The following LHFPL4 variants were observed in gnomAD, a reference collection of about 807,000 sequenced individuals.
LHFPL4 encodes the protein LHFPL tetraspan subfamily member 4 protein.
A neutral mutation model predicts 20.0 loss-of-function variants in LHFPL4; 6 were observed. That is an observed-to-expected ratio of 0.30 (90% CI 0.16 to 0.59). The LOEUF is 0.59. Ranked by LOEUF, LHFPL4 falls within the 20% of genes least tolerant of loss-of-function variation. The pLI is 0.88. For synonymous variants in LHFPL4, 129 were observed against 143.8 expected (o/e 0.90, Z 0.74); for missense variants, 215 against 331.2 (o/e 0.65, Z 2.72).
rs1008559419 is a variant in LHFPL4 at position 9,502,094 on chromosome 3, C to G, written c.*117G>C. On this transcript the variant is annotated 3_prime_UTR_variant, in exon 4 of 4. Coordinates refer to ENST00000287585, the MANE Select transcript of LHFPL4 (RefSeq NM_198560.3). Reference sequence around the variant, plus strand: ...CAAAGCCTGGAGCTTGCAGGGTAGTCGGTGAGAAGTAAGTCTGAGATCAGG... The same window carrying G: ...CAAAGCCTGGAGCTTGCAGGGTAGTGGGTGAGAAGTAAGTCTGAGATCAGG... 2.7e-6 allele frequency: 2 copies of G among 749,782 alleles called. No individual in the cohort carries two copies. Among genetic ancestry groups the G allele is most frequent in the East Asian group, 2.7e-5 (1 of 37,512 alleles). The allele number at this position is 749,782 out of a possible 1,614,324, so 46.4% of individuals were successfully genotyped here.
rs1339386250 is a variant in LHFPL4, at chr3:9,500,596, C to T, written c.*1615G>A. 1 of 152,296 alleles carries T rather than the reference C, an allele frequency of 6.6e-6. No homozygotes were observed. Among genetic ancestry groups the T allele is most frequent in the East Asian group, 1.9e-4 (1 of 5,178 alleles). 9.4% of individuals were successfully genotyped at this position (152,296 alleles called of 1,614,324 possible). ...GGTCCAAGTCCTGTGGAAATGAACACAAGGTTGGCAAACACATGGCGCTCA... is the reference window on the plus strand; with the variant it reads ...GGTCCAAGTCCTGTGGAAATGAACATAAGGTTGGCAAACACATGGCGCTCA... On this transcript the variant is annotated 3_prime_UTR_variant, in exon 4 of 4. Coordinates refer to ENST00000287585, the MANE Select transcript of LHFPL4 (RefSeq NM_198560.3).
chr3:9,539,591 A>G, intron 2 of LHFPL4, among the ~76,000 whole-genome samples: 1 of 149,200 alleles, frequency 6.7e-6, no homozygotes, highest in Admixed American at 6.8e-5. Context: ...GTATAACACT[A>G]AACCCAGCAA....
chr3:9,515,998 A>C (rs746379279), intron 2 of LHFPL4, among the ~76,000 whole-genome samples: 3 of 152,164 alleles, frequency 2.0e-5, no homozygotes, highest in Non-Finnish European at 4.4e-5. Flanking sequence ...TATAGGCGTG[A>C]ACCATGGCAC....
At chr3:9,529,346 A>C (rs570409024) in intron 2 of LHFPL4, among the ~76,000 whole-genome samples, 2 of 152,270 alleles carry the variant, frequency 1.3e-5, no homozygotes, top group South Asian at 4.1e-4. Context: ...CAATGTTCTT[A>C]ATGGCATATC....
At chr3:9,534,526 T>C (rs2046433490) in intron 2 of LHFPL4, among the ~76,000 whole-genome samples, 2 of 152,326 alleles carry the variant, frequency 1.3e-5, no homozygotes, top group South Asian at 4.1e-4. Context: ...TAAAATATTT[T>C]CAGACATATT....
intron 2 of LHFPL4, among the ~76,000 whole-genome samples, chr3:9,517,109 AGTAAGTCTTG>A (rs879462243): frequency 2.0e-5 from 3 of 152,200 alleles, no homozygotes; most frequent in Non-Finnish European, 2.9e-5. Flanking sequence ...ATAGCTTTAT[AGTAAGTCTTG>A]GTAAGTCTTG....
chr3:9,523,483 T>C (rs2046353640), intron 2 of LHFPL4, among the ~76,000 whole-genome samples: 1 of 100,786 alleles, frequency 9.9e-6, no homozygotes, highest in African/African-American at 3.2e-5. Flanking sequence ...TATTTATTTA[T>C]TTATTTTGAG....
chr3:9,533,415 G>T lies in LHFPL4; in HGVS notation c.406+18859C>A, dbSNP rs146881604. ...AACTGTGGTTACCTGCAACAACCTG[G>T]ATGAATCTTCATGTGAAGCAAAAGT... On this transcript the variant is annotated intron_variant, in intron 2 of 3. Coordinates refer to ENST00000287585, the MANE Select transcript of LHFPL4 (RefSeq NM_198560.3). 1.4e-3 allele frequency among the ~76,000 whole-genome samples: 219 copies of T among 152,320 alleles called. 1 individual carries two copies. Among genetic ancestry groups the T allele is most frequent in the African/African-American group, 5.1e-3 (211 of 41,564 alleles).
intron 2 of LHFPL4, among the ~76,000 whole-genome samples, chr3:9,533,082 A>G (rs1032267221): frequency 6.6e-6 from 1 of 152,152 alleles, no homozygotes; most frequent in Admixed American, 6.5e-5. Context: ...AATGTCTACA[A>G]GTTCAAAGGG....
At chr3:9,517,436 A>T (rs2046310562) in intron 2 of LHFPL4, among the ~76,000 whole-genome samples, 1 of 151,578 alleles carries the variant, frequency 6.6e-6, no homozygotes. Context: ...ATTTTATTAG[A>T]TTTATACCTA....
intron 2 of LHFPL4, among the ~76,000 whole-genome samples, chr3:9,537,227 T>C (rs1367489624): frequency 6.6e-6 from 1 of 152,206 alleles, no homozygotes; most frequent in Admixed American, 6.5e-5. Context: ...TCGCTTGCAC[T>C]CTGGCCACAC....
chr3:9,540,006 T>G (rs997390970), intron 2 of LHFPL4, among the ~76,000 whole-genome samples: 2 of 152,070 alleles, frequency 1.3e-5, no homozygotes, highest in Admixed American at 6.6e-5. Flanking sequence ...CTGGTGGGAG[T>G]GTAACTTTGT....
intron 2 of LHFPL4, among the ~76,000 whole-genome samples, chr3:9,516,905 G>A (rs1052098168): frequency 4.1e-5 from 6 of 147,952 alleles, no homozygotes; most frequent in South Asian, 2.1e-4. Context: ...TCAGCCTCCC[G>A]AGTAGCTGGG....
chr3:9,536,785 G>A (rs1168731080), intron 2 of LHFPL4, among the ~76,000 whole-genome samples: 1 of 151,866 alleles, frequency 6.6e-6, no homozygotes, highest in Non-Finnish European at 1.5e-5. Context: ...AACATAGTGA[G>A]ACCCTATCTC....
chr3:9,524,097 G>T (rs934930346), intron 2 of LHFPL4, among the ~76,000 whole-genome samples: 1 of 149,092 alleles, frequency 6.7e-6, no homozygotes. Flanking sequence ...TTTGTTTTTT[G>T]TTGTTTTTTG....
chr3:9,515,672 T>G (rs1574841168), intron 2 of LHFPL4, among the ~76,000 whole-genome samples: 1 of 151,502 alleles, frequency 6.6e-6, no homozygotes, highest in East Asian at 1.9e-4. Flanking sequence ...ACATCCCGCC[T>G]CAAGAGTTAT....
At chr3:9,531,175 G>T (rs2046406557) in intron 2 of LHFPL4, among the ~76,000 whole-genome samples, 1 of 152,118 alleles carries the variant, frequency 6.6e-6, no homozygotes, top group Admixed American at 6.6e-5. Flanking sequence ...ACTGATCACA[G>T]ATCACCATAA....
At chr3:9,513,045 C>T (rs1455576604) in intron 2 of LHFPL4, among the ~76,000 whole-genome samples, 2 of 151,944 alleles carry the variant, frequency 1.3e-5, no homozygotes, top group Non-Finnish European at 2.9e-5. Context: ...CTGCAAGCTC[C>T]GCCTCCTGGA....
intron 2 of LHFPL4, among the ~76,000 whole-genome samples, chr3:9,549,436 CTGT>C (rs2046538287): frequency 6.6e-6 from 1 of 152,242 alleles, no homozygotes; most frequent in Non-Finnish European, 1.5e-5. Flanking sequence ...TGGCTCATGC[CTGT>C]AATCCCAGCA....
Sources: gnomAD v4.1 joint callset for allele counts (sites outside exome capture counted in the v4.1 genomes callset) on GRCh38, gnomAD v4.1.1 for gene constraint, MANE v1.5 for transcripts, NCBI Gene and HGNC (gene_info 2026-07-23, HGNC 2026-07-21) for gene names.